The following PHACTR3 variants were observed in gnomAD, a reference collection of about 807,000 sequenced individuals.
PHACTR3 encodes the protein phosphatase and actin regulator 3.
A neutral mutation model predicts 66.8 loss-of-function variants in PHACTR3; 16 were observed. The observed-to-expected ratio is 0.24, with a 90% CI of 0.16 to 0.36. PHACTR3 has a LOEUF of 0.36. Ranked by LOEUF, PHACTR3 falls within the 10% of genes least tolerant of loss-of-function variation. The probability of loss-of-function intolerance (pLI) is 1.00; values close to 1 mark genes in which losing one functional copy is unlikely to be tolerated. For missense variants in PHACTR3, 647 were observed against 719.9 expected (o/e 0.90, Z 1.16); for synonymous variants, 323 against 292.1 (o/e 1.11, Z -1.08).
At chr20:59,672,846 T>C (rs2036240949) in intron 1 of PHACTR3, among the ~76,000 whole-genome samples, 1 of 152,144 alleles carries the variant, frequency 6.6e-6, no homozygotes, top group Non-Finnish European at 1.5e-5. Flanking sequence ...CCCTTTGGTG[T>C]ATGGACTCCA....
At chr20:59,723,056 CTTTCTCTTTCTTTCTT>C (rs1222200642) in intron 1 of PHACTR3, among the ~76,000 whole-genome samples, 3 of 140,728 alleles carry the variant, frequency 2.1e-5, no homozygotes, top group African/African-American at 8.3e-5. Context: ...TTCTTTCTTT[CTTTCTCTTTCTTTCTT>C]TCTTTCTTTC....
At chr20:59,744,823 C>T (rs1180138250) in intron 2 of PHACTR3, among the ~76,000 whole-genome samples, 1 of 152,234 alleles carries the variant, frequency 6.6e-6, no homozygotes, top group Non-Finnish European at 1.5e-5. Context: ...CCAGAGCTTT[C>T]CGCAGAGTAG....
intron 11 of PHACTR3, chr20:59,844,443 T>C (rs951854484): frequency 6.6e-6 from 1 of 152,076 alleles, no homozygotes; most frequent in African/African-American, 2.4e-5. Flanking sequence ...ATAAAGAAAA[T>C]GTAGTGCGTG....
chr20:59,800,625 C>G lies in PHACTR3; in HGVS notation c.1175-5416C>G, dbSNP rs541029143. On this transcript the variant is annotated intron_variant, in intron 7 of 12. Coordinates refer to ENST00000371015, the MANE Select transcript of PHACTR3 (RefSeq NM_080672.5). ...TGGTTATAGATTTTGATTACCATGGCCCAGACACAGTTTTCTTTATGTTTC... is the reference window on the plus strand; with the variant it reads ...TGGTTATAGATTTTGATTACCATGGGCCAGACACAGTTTTCTTTATGTTTC... 1.3e-5 allele frequency among the ~76,000 whole-genome samples: 2 copies of G among 152,300 alleles called. 1 individual carries two copies. Among genetic ancestry groups the G allele is most frequent in the South Asian group, 4.1e-4 (2 of 4,822 alleles).
intron 8 of PHACTR3, among the ~76,000 whole-genome samples, chr20:59,814,790 T>A (rs1436014025): frequency 6.6e-6 from 1 of 152,092 alleles, no homozygotes. Flanking sequence ...AGTGTTAAGC[T>A]TTTTTTAAAA....
chr20:59,729,686 G>A (rs371611054), intron 1 of PHACTR3, among the ~76,000 whole-genome samples: 4 of 152,234 alleles, frequency 2.6e-5, no homozygotes, highest in African/African-American at 7.2e-5. Context: ...AGCTGCTCCC[G>A]GAAAGCCCGC....
At chr20:59,614,504 A>G (rs1313221600) in intron 1 of PHACTR3, among the ~76,000 whole-genome samples, 2 of 152,222 alleles carry the variant, frequency 1.3e-5, no homozygotes, top group African/African-American at 4.8e-5. Flanking sequence ...ACCTTATCTA[A>G]TGGTCACGAC....
chr20:59,616,956 C>A (rs1157240807), intron 1 of PHACTR3, among the ~76,000 whole-genome samples: 1 of 152,122 alleles, frequency 6.6e-6, no homozygotes, highest in Non-Finnish European at 1.5e-5. Flanking sequence ...TGGCTTTCCC[C>A]GCTCGCTTCC....
At chr20:59,768,397 C>T (rs6027088) in intron 5 of PHACTR3, among the ~76,000 whole-genome samples, 117,403 of 152,166 alleles carry the variant, frequency 0.77, 45,420 homozygotes, top group South Asian at 0.82. Context: ...TTGCCATTTG[C>T]TGGGTAGGCA....
At chr20:59,837,483 A>G (rs2058987097) in intron 9 of PHACTR3, among the ~76,000 whole-genome samples, 1 of 152,128 alleles carries the variant, frequency 6.6e-6, no homozygotes, top group East Asian at 1.9e-4. Flanking sequence ...GCCTTCATTA[A>G]CTGCCTAAAA....
At chr20:59,744,877 C>A (rs116105216) in intron 2 of PHACTR3, among the ~76,000 whole-genome samples, 1 of 152,202 alleles carries the variant, frequency 6.6e-6, no homozygotes, top group Admixed American at 6.5e-5. Context: ...TGAACCAGCA[C>A]GTGAGTCGAT....
intron 1 of PHACTR3, among the ~76,000 whole-genome samples, chr20:59,614,264 G>A (rs180890988): frequency 2.8e-4 from 42 of 152,306 alleles, no homozygotes; most frequent in African/African-American, 9.1e-4. Context: ...GCTGACAGAC[G>A]TATACATACC....
At chr20:59,784,538 A>G (rs6015581) in intron 7 of PHACTR3, among the ~76,000 whole-genome samples, 36,906 of 152,036 alleles carry the variant, frequency 0.24, 9,865 homozygotes, top group African/African-American at 0.63. Flanking sequence ...ACATAGGGAC[A>G]GCTTGAGCCT....
chr20:59,737,779 C>A (rs1222939598), intron 1 of PHACTR3, among the ~76,000 whole-genome samples: 1 of 152,102 alleles, frequency 6.6e-6, no homozygotes, highest in Non-Finnish European at 1.5e-5. Context: ...ACACCCTGTG[C>A]CTATTAGGAT....
At chr20:59,791,651 A>C (rs548739674) in intron 7 of PHACTR3, among the ~76,000 whole-genome samples, 2 of 150,522 alleles carry the variant, frequency 1.3e-5, no homozygotes, top group African/African-American at 2.5e-5. Flanking sequence ...GGTTTGTTAC[A>C]TATGTGTACA....
At chr20:59,727,517 TGGA>T (rs1197927855) in intron 1 of PHACTR3, among the ~76,000 whole-genome samples, 1 of 152,130 alleles carries the variant, frequency 6.6e-6, no homozygotes, top group Non-Finnish European at 1.5e-5. Flanking sequence ...TTCTGTCTCC[TGGA>T]GGAGAAGTGG....
intron 1 of PHACTR3, among the ~76,000 whole-genome samples, chr20:59,668,371 C>T (rs574184392): frequency 4.2e-4 from 64 of 152,224 alleles, no homozygotes; most frequent in African/African-American, 1.4e-3. Context: ...TGGGCACGTA[C>T]ACCCGTACGG....
Position 59,743,258 on chromosome 20 carries a change from GACA to G in PHACTR3, c.273_275del (p.Thr92del). 2 of 1,614,004 alleles carry G rather than the reference GACA, an allele frequency of 1.2e-6. No individual in the cohort carries two copies. The highest frequency in any genetic ancestry group is 1.7e-6 in the Non-Finnish European group (2 of 1,179,958). On this transcript the variant is annotated inframe_deletion, in exon 2 of 13. Transcript: ENST00000371015. ...AAAAGAAAAACGAAAAACTGAAGCA[GACA>G]ACGTCAGGTAAAGGCCTGGTGACAG... is the stretch of plus-strand genomic sequence containing the variant.
chr20:59,806,043 A>T lies in PHACTR3; in HGVS notation c.1177A>T (p.Thr393Ser). 1 of 1,613,512 alleles carries T rather than the reference A, an allele frequency of 6.2e-7. No individual in the cohort carries two copies. Among genetic ancestry groups the T allele is most frequent in the Non-Finnish European group, 8.5e-7 (1 of 1,179,730 alleles). ...EALNDSIISGTLPRKCKKELL... is the reference protein window; with the variant it reads ...EALNDSIISGSLPRKCKKELL... ...CTTGCCCTGGATGGGGCTTTTAGGA[A>T]CACTGCCACGGAAATGCAAGAAGGA... The change falls in exon 8 of 13, where the codon ACA (threonine) becomes TCA (serine). Residue 393 changes from threonine (T) to serine (S), a missense_variant and splice_region_variant. Transcript: ENST00000371015.
Sources: gnomAD v4.1 joint callset for allele counts (sites outside exome capture counted in the v4.1 genomes callset) on GRCh38, gnomAD v4.1.1 for gene constraint, MANE v1.5 for transcripts, NCBI Gene and HGNC (gene_info 2026-07-23, HGNC 2026-07-21) for gene names.